The following TLR5 variants were observed in gnomAD, a reference collection of about 807,000 sequenced individuals.
TLR5 encodes toll like receptor 5.
For missense variants in TLR5, 944 were observed against 999.8 expected (o/e 0.94, Z 0.75); for synonymous variants, 373 against 384.4 (o/e 0.97, Z 0.35).
chr1:223,117,008 C>G (rs180733216), intron 5 of TLR5, among the ~76,000 whole-genome samples: 1 of 152,310 alleles, frequency 6.6e-6, no homozygotes, highest in Admixed American at 6.5e-5. Flanking sequence ...CGCCGTGGAG[C>G]AGGGGGCGGC....
intron 5 of TLR5, among the ~76,000 whole-genome samples, chr1:223,116,515 G>A (rs905481245): frequency 9.2e-5 from 14 of 152,164 alleles, no homozygotes; most frequent in African/African-American, 2.9e-4. Flanking sequence ...TAAATGTAGT[G>A]CAGACCCAAA....
chr1:223,141,591 G>A (rs1657842336), intron 2 of TLR5, 57 bp downstream of exon 2: 1 of 151,726 alleles, frequency 6.6e-6, no homozygotes, highest in Admixed American at 6.6e-5. Context: ...CGACCAACAT[G>A]GTGAAACCCC....
At chr1:223,138,336 ATTTC>A (rs1657701104) in intron 2 of TLR5, among the ~76,000 whole-genome samples, 1 of 151,698 alleles carries the variant, frequency 6.6e-6, no homozygotes. Flanking sequence ...TTGGCCACCT[ATTTC>A]TTCTTGAAAT....
intron 3 of TLR5, 146 bp downstream of exon 3, chr1:223,137,032 A>C (rs1194145972): frequency 6.6e-6 from 1 of 152,182 alleles, no homozygotes; most frequent in South Asian, 2.1e-4. Context: ...CATGTTGCCC[A>C]GGCTGGTCTC....
At chr1:223,134,265 C>G (rs1558132531) in intron 4 of TLR5, 1 of 152,138 alleles carries the variant, frequency 6.6e-6, no homozygotes, top group Non-Finnish European at 1.5e-5. Flanking sequence ...AGGCAGCCAT[C>G]ATTTACGCAA....
chr1:223,123,257 T>C (rs1558126836), intron 5 of TLR5, among the ~76,000 whole-genome samples: 1 of 152,182 alleles, frequency 6.6e-6, no homozygotes, highest in African/African-American at 2.4e-5. Flanking sequence ...TTACATTTTT[T>C]AGTTTAAATT....
At chr1:223,118,537 A>G (rs948955213) in intron 5 of TLR5, among the ~76,000 whole-genome samples, 1 of 148,894 alleles carries the variant, frequency 6.7e-6, no homozygotes, top group Non-Finnish European at 1.5e-5. Flanking sequence ...ACAGAGCAAG[A>G]CTCCATCTCA....
chr1:223,133,394 C>T (rs186827630), intron 4 of TLR5, among the ~76,000 whole-genome samples: 1 of 152,300 alleles, frequency 6.6e-6, no homozygotes, highest in East Asian at 1.9e-4. Context: ...AACGGCCCGC[C>T]TGAGACCTCC....
chr1:223,111,132 C>T lies in TLR5; in HGVS notation c.1900G>A (p.Val634Ile). ...AGGGAGAACTTTAGGGACTTTAAGA[C>T]TTCCTCTTCATCACAACCTTCCGTG... The part of the protein sequence containing the change: ...LSTEGCDEEE[V>I]LKSLKFSLFI... Residue 634 changes from valine (V) to isoleucine (I), a missense_variant, in exon 6 of 6, where the codon GTC (valine) becomes ATC (isoleucine). Val to Ile is a conservative substitution (Grantham distance 29). Transcript: ENST00000642603. 6.2e-7 allele frequency: 1 copy of T among 1,614,212 alleles called. No homozygotes were observed. The highest frequency in any genetic ancestry group is 8.5e-7 in the Non-Finnish European group (1 of 1,180,042).
intron 4 of TLR5, chr1:223,134,317 G>A (rs1158209305): frequency 6.6e-6 from 1 of 152,162 alleles, no homozygotes; most frequent in East Asian, 1.9e-4. Context: ...AACACTGAAG[G>A]GGAAAGTTAG....
intron 3 of TLR5, among the ~76,000 whole-genome samples, chr1:223,136,500 C>A (rs1264940573): frequency 6.6e-6 from 1 of 152,190 alleles, no homozygotes; most frequent in Non-Finnish European, 1.5e-5. Flanking sequence ...CACATCTGTG[C>A]ATGCTAGAGA....
At position 223,110,400 on chromosome 1, in the gene TLR5, A is replaced by T; in HGVS notation, c.*55T>A. The stretch of plus-strand genomic sequence containing the variant: ...ACCCCAAAATGATAACTTGGTGCAA[A>T]TACAAAGTGAAGAGTTATTTGTGGC... On this transcript the variant is annotated 3_prime_UTR_variant, in exon 6 of 6. Transcript: ENST00000642603. 1 of 1,593,364 alleles carries T rather than the reference A, an allele frequency of 6.3e-7. No individual in the cohort carries two copies. The highest frequency in any genetic ancestry group is 8.6e-7 in the Non-Finnish European group (1 of 1,163,668).
intron 5 of TLR5, among the ~76,000 whole-genome samples, chr1:223,121,062 G>A (rs1046533728): frequency 3.9e-5 from 6 of 152,136 alleles, no homozygotes; most frequent in South Asian, 2.1e-4. Context: ...CAGCCTGGGC[G>A]ACAGAGCAAG....
chr1:223,122,360 C>T (rs1656988632), intron 5 of TLR5, among the ~76,000 whole-genome samples: 1 of 152,152 alleles, frequency 6.6e-6, no homozygotes, highest in African/African-American at 2.4e-5. Context: ...AATTGGAAGG[C>T]TGTGATTCTA....
intron 5 of TLR5, among the ~76,000 whole-genome samples, chr1:223,117,514 G>A (rs1283738065): frequency 2.8e-5 from 4 of 140,674 alleles, no homozygotes; most frequent in Non-Finnish European, 6.0e-5. Context: ...TCTGTCCCCT[G>A]GTAGACTATA....
In TLR5 at chr1:223,111,820, G is replaced by A. The variant is rs905649174; in HGVS notation, c.1212C>T (p.Ser404=). The A allele has an allele frequency of 6.2e-7, 1 of 1,614,086 alleles. No individual in the cohort carries two copies. Among genetic ancestry groups the A allele is most frequent in the Non-Finnish European group, 8.5e-7 (1 of 1,180,004 alleles). The change falls in exon 6 of 6, where the codon AGC becomes AGT. Residue 404 remains serine (S), a synonymous_variant. Transcript: ENST00000642603. The part of the protein sequence containing the change: ...NALTTIHFIP[S]IPDIFLSGNK... Reference sequence around the variant, plus strand: ...TGCCACTCAAGAAGATATCGGGTATGCTTGGAATAAAATGAATGGTTGTAA... The same window carrying A: ...TGCCACTCAAGAAGATATCGGGTATACTTGGAATAAAATGAATGGTTGTAA...
Position 223,111,342 on chromosome 1 carries a change from T to G in TLR5, c.1690A>C (p.Asn564His). 1 of 1,614,168 alleles carries G rather than the reference T, an allele frequency of 6.2e-7. No homozygotes were observed. Among genetic ancestry groups the G allele is most frequent in the Non-Finnish European group, 8.5e-7 (1 of 1,180,028 alleles). The change falls in exon 6 of 6, where the codon AAT becomes CAT. Residue 564 changes from asparagine (N) to histidine (H), a missense_variant. By Grantham distance (68) the Asn-to-His change is moderately conservative (BLOSUM62 1). Transcript: ENST00000642603. The part of the protein sequence containing the change: ...DISRNQLLAP[N>H]PDVFVSLSVL... Reference sequence around the variant, plus strand: ...CTAAGTGATACAAATACATCAGGATTAGGAGCTAGGAGCTGGTTCCTGGAT... The same window carrying G: ...CTAAGTGATACAAATACATCAGGATGAGGAGCTAGGAGCTGGTTCCTGGAT...
rs150582916 is a variant in TLR5 at position 223,131,356 on chromosome 1, T to C, written c.-5+1119A>G. 4.8e-3 allele frequency among the ~76,000 whole-genome samples: 727 copies of C among 152,316 alleles called. 2 individuals carry two copies. The highest frequency in any genetic ancestry group is 7.4e-3 in the Non-Finnish European group (502 of 68,018). On this transcript the variant is annotated intron_variant, in intron 5 of 5. Coordinates refer to ENST00000642603, the MANE Select transcript of TLR5 (RefSeq NM_003268.6). The surrounding 1 kb of genome is among the most constrained non-coding windows in gnomAD (Gnocchi z 4.2). ...TGTATCTACACTGGCATCCCATCAC[T>C]GCCTTGTGCTCGAGATCTAACTTGC...
rs1422545399 is a variant in TLR5, at chr1:223,113,013, G to T, written c.19C>A (p.Leu7Ile). 6.2e-7 allele frequency: 1 copy of T among 1,614,190 alleles called. No homozygotes were observed. Among genetic ancestry groups the T allele is most frequent in the African/African-American group, 1.3e-5 (1 of 75,044 alleles). MGDHLD[L>I]LLGVVLMAGP... Reference sequence around the variant, plus strand: ...GCCATGAGCACCACTCCTAGGAGAAGGTCCAGGTGGTCTCCCATGATCCTA... The same window carrying T: ...GCCATGAGCACCACTCCTAGGAGAATGTCCAGGTGGTCTCCCATGATCCTA... Residue 7 changes from leucine to isoleucine, a missense_variant, in exon 6 of 6, where the codon CTT becomes ATT. Leu to Ile is a conservative substitution (Grantham distance 5). Transcript: ENST00000642603.
Sources: gnomAD v4.1 joint callset for allele counts (sites outside exome capture counted in the v4.1 genomes callset) on GRCh38, gnomAD v4.1.1 for gene constraint, Gnocchi (gnomAD v3.1) non-coding constraint, MANE v1.5 for transcripts, NCBI Gene and HGNC (gene_info 2026-07-23, HGNC 2026-07-21) for gene names.